Variants in OTUD7B observed in about 807,000 individuals in gnomAD.
The protein encoded by OTUD7B is OTU deubiquitinase 7B.
In OTUD7B, 34 loss-of-function variants were observed where a neutral mutation model predicts 82.2. The ratio of observed to expected loss-of-function variants is 0.41; its 90% CI spans 0.31 to 0.55. OTUD7B has a LOEUF of 0.55. Ranked by LOEUF, OTUD7B falls within the 20% of genes least tolerant of loss-of-function variation. The probability of loss-of-function intolerance (pLI) is 0.20; values close to 1 mark genes in which losing one functional copy is unlikely to be tolerated. For synonymous variants in OTUD7B, 398 were observed against 402.7 expected (o/e 0.99, Z 0.14); for missense variants, 944 against 1,062.1 (o/e 0.89, Z 1.55).
chr1:150,051,229 C>CAAA, the OTUD7B span, among the ~76,000 whole-genome samples: 913 of 95,750 alleles, frequency 9.5e-3, 25 homozygotes, highest in South Asian at 0.035. Context: ...GACTTCGCCT[C>CAAA]AAAAAAAAAA....
intron 1 of OTUD7B, among the ~76,000 whole-genome samples, chr1:149,984,303 T>C (rs1306522470): frequency 1.3e-5 from 2 of 152,150 alleles, no homozygotes; most frequent in Non-Finnish European, 2.9e-5. Context: ...CTGCTCCTAT[T>C]TGTTGGCGGT....
At chr1:149,990,750 C>G (rs781988928) in intron 1 of OTUD7B, among the ~76,000 whole-genome samples, 1 of 152,112 alleles carries the variant, frequency 6.6e-6, no homozygotes, top group Non-Finnish European at 1.5e-5. Context: ...AATTCCAGCA[C>G]TTTGGGAGGC....
In OTUD7B at chr1:149,944,359, G is replaced by A. The variant is rs1647521505; in HGVS notation, c.2030C>T (p.Thr677Ile). The A allele has an allele frequency of 6.2e-7, 1 of 1,613,672 alleles. No individual in the cohort carries two copies. The highest frequency in any genetic ancestry group is 8.5e-7 in the Non-Finnish European group (1 of 1,179,750). ...PEPDAREEQP[T>I]GPPAESRAMA... ...TGCCCTGGACTCTGCTGGGGGACCG[G>A]TCGGCTGCTCTTCCCTAGCATCTGG... Residue 677 changes from threonine to isoleucine, a missense_variant, in exon 12 of 12, where the codon ACC becomes ATC. Thr to Ile is a moderately conservative substitution (Grantham distance 89). Transcript: ENST00000581312.
Position 149,944,058 on chromosome 1 carries a change from A to G in OTUD7B, c.2331T>C (p.Asn777=), listed in dbSNP as rs782473931. The G allele has an allele frequency of 6.2e-7, 1 of 1,614,172 alleles. No homozygotes were observed. Among genetic ancestry groups the G allele is most frequent in the South Asian group, 1.1e-5 (1 of 91,084 alleles). The part of the protein sequence containing the change: ...PPYRVADSYS[N]GYREPPEPDG... ...CTGGCTCAGGGGGCTCTCTGTAGCC[A>G]TTGCTATAGGAATCAGCCACTCGGT... The change falls in exon 12 of 12, where the codon AAT becomes AAC. Residue 777 remains asparagine (N), a synonymous_variant. Transcript: ENST00000581312.
chr1:150,002,979 G>A (rs782256868), intron 1 of OTUD7B, among the ~76,000 whole-genome samples: 4 of 152,188 alleles, frequency 2.6e-5, no homozygotes, highest in Non-Finnish European at 5.9e-5. Context: ...GGCCGGGCGT[G>A]GTGGCTCTCG....
intron 1 of OTUD7B, among the ~76,000 whole-genome samples, chr1:149,985,786 A>C (rs1651094306): frequency 6.6e-6 from 1 of 151,560 alleles, no homozygotes; most frequent in Admixed American, 6.6e-5. Context: ...AAGGCCCTTC[A>C]TGATCTGGCT....
the OTUD7B span, among the ~76,000 whole-genome samples, chr1:150,053,362 G>A: frequency 3.3e-5 from 5 of 151,780 alleles, no homozygotes; most frequent in Non-Finnish European, 1.5e-5. Flanking sequence ...ATTAAAAAGT[G>A]GGCAAAGGAC....
At chr1:149,953,822 A>G (rs1648457114) in intron 7 of OTUD7B, among the ~76,000 whole-genome samples, 1 of 152,122 alleles carries the variant, frequency 6.6e-6, no homozygotes, top group South Asian at 2.1e-4. Context: ...TGTGAATGGG[A>G]GTTCACTCAT....
At chr1:149,951,539 G>A (rs952565125) in intron 7 of OTUD7B, among the ~76,000 whole-genome samples, 6 of 152,202 alleles carry the variant, frequency 3.9e-5, no homozygotes, top group South Asian at 2.1e-4. Flanking sequence ...TGGAGTCAGC[G>A]TGTTCAAATA....
chr1:150,051,724 G>C, the OTUD7B span, among the ~76,000 whole-genome samples: 1 of 152,032 alleles, frequency 6.6e-6, no homozygotes, highest in Non-Finnish European at 1.5e-5. Context: ...CATAGTAAAA[G>C]CTTAATGAAA....
At chr1:149,996,545 C>A (rs1405317515) in intron 1 of OTUD7B, among the ~76,000 whole-genome samples, 4 of 152,266 alleles carry the variant, frequency 2.6e-5, no homozygotes, top group African/African-American at 9.6e-5. Flanking sequence ...TGATTTGTGA[C>A]CTTGGGTAAA....
intron 7 of OTUD7B, among the ~76,000 whole-genome samples, chr1:149,955,130 T>C (rs1478980027): frequency 3.3e-5 from 5 of 152,206 alleles, no homozygotes; most frequent in African/African-American, 1.2e-4. Context: ...TTAATTGTGA[T>C]GTTAGGGTGT....
the OTUD7B span, among the ~76,000 whole-genome samples, chr1:150,024,103 C>G: frequency 2.2e-4 from 33 of 152,202 alleles, no homozygotes; most frequent in South Asian, 1.7e-3. Context: ...TTTAGTTTAT[C>G]AACAAAAACA....
the OTUD7B span, among the ~76,000 whole-genome samples, chr1:150,032,349 C>G: frequency 6.7e-6 from 1 of 149,470 alleles, no homozygotes; most frequent in Non-Finnish European, 1.5e-5. Flanking sequence ...CACCATGAGG[C>G]CAGGCATGGT....
the OTUD7B span, among the ~76,000 whole-genome samples, chr1:150,038,875 A>G: frequency 6.6e-6 from 1 of 152,108 alleles, no homozygotes. Context: ...TAACTCATCT[A>G]TAATTCTTTC....
At chr1:149,989,174 T>G (rs1406381713) in intron 1 of OTUD7B, among the ~76,000 whole-genome samples, 14 of 152,092 alleles carry the variant, frequency 9.2e-5, no homozygotes, top group Non-Finnish European at 2.1e-4. Flanking sequence ...ATTAATTTCT[T>G]ATAAAGCCTC....
the OTUD7B span, among the ~76,000 whole-genome samples, chr1:150,019,754 G>A: frequency 2.6e-5 from 4 of 152,114 alleles, no homozygotes; most frequent in South Asian, 4.2e-4. Flanking sequence ...TGGTTGGCAC[G>A]ATCCATCCCT....
chr1:149,981,097 G>C (rs1055325662), intron 1 of OTUD7B, among the ~76,000 whole-genome samples: 1 of 150,690 alleles, frequency 6.6e-6, no homozygotes, highest in Admixed American at 6.6e-5. Context: ...AGGAGGAAGA[G>C]GAGGAGGAAG....
the OTUD7B span, among the ~76,000 whole-genome samples, chr1:150,056,867 G>T: frequency 2.0e-5 from 3 of 152,174 alleles, no homozygotes; most frequent in African/African-American, 7.2e-5. Flanking sequence ...ACCAATTGTT[G>T]CAGGCAAGAA....
Sources: gnomAD v4.1 joint callset for allele counts (sites outside exome capture counted in the v4.1 genomes callset) on GRCh38, gnomAD v4.1.1 for gene constraint, MANE v1.5 for transcripts, NCBI Gene and HGNC (gene_info 2026-07-23, HGNC 2026-07-21) for gene names.